CPNE8: variants seen among roughly 807,000 people sequenced by gnomAD.
CPNE8 encodes the protein copine 8, also known as copine-8.
In CPNE8, 45 loss-of-function variants were observed where a neutral mutation model predicts 81.5. The ratio of observed to expected loss-of-function variants is 0.55; its 90% confidence interval spans 0.44 to 0.71. The LOEUF (loss-of-function observed/expected upper bound fraction) is 0.71, where lower values mean the gene tolerates loss of function less well. Ranked by LOEUF, CPNE8 falls within the 30% of genes least tolerant of loss-of-function variation. The pLI is 0.00. For missense variants in CPNE8, 594 were observed against 672.1 expected, an observed-to-expected ratio of 0.88 and a Z score of 1.28; for synonymous variants, 252 against 226.3, an observed-to-expected ratio of 1.11 and a Z score of -1.02.
At chr12:38,747,309 G>A (rs1470097234) in intron 10 of CPNE8, among the ~76,000 whole-genome samples, 2 of 152,100 alleles carry the variant, frequency 1.3e-5, no homozygotes, top group African/African-American at 4.8e-5. Flanking sequence ...TTACTCATCT[G>A]TGTCTCAATC....
At chr12:38,728,706 A>G (rs1940762695) in intron 11 of CPNE8, among the ~76,000 whole-genome samples, 1 of 152,160 alleles carries the variant, frequency 6.6e-6, no homozygotes, top group Admixed American at 6.6e-5. Flanking sequence ...TAATTATATG[A>G]AGAACTAATG....
chr12:38,863,606 T>C (rs1215422286), intron 3 of CPNE8, among the ~76,000 whole-genome samples: 1 of 152,134 alleles, frequency 6.6e-6, no homozygotes, highest in Non-Finnish European at 1.5e-5. Flanking sequence ...TAAAAGACAA[T>C]ACATTATTAT....
At chr12:38,814,983 T>C (rs1462176095) in intron 6 of CPNE8, among the ~76,000 whole-genome samples, 1 of 152,214 alleles carries the variant, frequency 6.6e-6, no homozygotes, top group East Asian at 1.9e-4. Flanking sequence ...TTACGTATGA[T>C]ACTTTCTGCT....
chr12:38,772,586 CCTA>C (rs995046822), intron 7 of CPNE8, among the ~76,000 whole-genome samples: 6 of 151,984 alleles, frequency 3.9e-5, no homozygotes, highest in African/African-American at 1.2e-4. Context: ...TGTTAGAATG[CCTA>C]CTATCAAAAA....
At chr12:38,896,227 G>C (rs761936975) in intron 1 of CPNE8, among the ~76,000 whole-genome samples, 2 of 152,070 alleles carry the variant, frequency 1.3e-5, no homozygotes, top group African/African-American at 2.4e-5. Flanking sequence ...CAGAGTTTCA[G>C]AAAATCAGCT....
chr12:38,654,868 T>C (rs914428051), intron 19 of CPNE8, among the ~76,000 whole-genome samples: 1 of 152,162 alleles, frequency 6.6e-6, no homozygotes, highest in Non-Finnish European at 1.5e-5. Context: ...TAGTGTACAT[T>C]GTTAAAAAGT....
chr12:38,727,066 G>A (rs826872), intron 11 of CPNE8, among the ~76,000 whole-genome samples: 15,591 of 152,060 alleles, frequency 0.1, 998 homozygotes, highest in East Asian at 0.24. Context: ...ATAGAGTAAG[G>A]CCCTCTGCAA....
At chr12:38,905,976 C>T (rs1304675391), upstream of CPNE8, 1 of 985,310 alleles carries the variant, frequency 1.0e-6, no homozygotes, top group Non-Finnish European at 1.2e-6. Flanking sequence ...CACCTCTGCA[C>T]ACCCACACTC....
intron 3 of CPNE8, among the ~76,000 whole-genome samples, chr12:38,863,568 A>T (rs1317092301): frequency 2.4e-4 from 37 of 152,332 alleles, no homozygotes; most frequent in African/African-American, 8.9e-4. Context: ...TCTAACAAAT[A>T]GTAGCAAAGC....
At chr12:38,732,817 A>G (rs977464383) in intron 10 of CPNE8, among the ~76,000 whole-genome samples, 16 of 152,112 alleles carry the variant, frequency 1.1e-4, no homozygotes, top group Admixed American at 8.5e-4. Flanking sequence ...TAGAACATAC[A>G]TAAATGAAAC....
At chr12:38,793,495 T>G (rs1004052229) in intron 6 of CPNE8, among the ~76,000 whole-genome samples, 1 of 151,636 alleles carries the variant, frequency 6.6e-6, no homozygotes, top group African/African-American at 2.4e-5. Flanking sequence ...AACAAAATAC[T>G]TAGAAATAAA....
intron 4 of CPNE8, among the ~76,000 whole-genome samples, chr12:38,841,594 C>T (rs1384528380): frequency 4.6e-5 from 7 of 152,062 alleles, no homozygotes; most frequent in Admixed American, 4.6e-4. Flanking sequence ...AGCAAACAAA[C>T]AGGAGGTTCA....
In CPNE8 at chr12:38,750,097, TAA is replaced by T. The variant is rs144521163; in HGVS notation, c.722+10748_722+10749del. ...GCATCCCAGCCACTTCAGCTTGGAC[TAA>T]AAGAGGCCAAGTGCAACCTGACCTA... On this transcript the variant is annotated intron_variant, in intron 10 of 19. Coordinates refer to ENST00000331366, the MANE Select transcript of CPNE8 (RefSeq NM_153634.3). Among the ~76,000 whole-genome samples the T allele has an allele frequency of 1.5e-3, 226 of 152,226 alleles. 7 individuals are homozygous for T. The East Asian group carries it at 0.039, about 26-fold the overall frequency.
chr12:38,698,059 C>T (rs1048372054), intron 14 of CPNE8, among the ~76,000 whole-genome samples: 1 of 152,174 alleles, frequency 6.6e-6, no homozygotes, highest in Non-Finnish European at 1.5e-5. Context: ...TTCTTCATAT[C>T]GTCACCAGCA....
intron 10 of CPNE8, among the ~76,000 whole-genome samples, chr12:38,751,718 T>G (rs1941356589): frequency 1.3e-5 from 2 of 152,306 alleles, no homozygotes; most frequent in Non-Finnish European, 2.9e-5. Flanking sequence ...ATATTTATTT[T>G]GGAAAGTTGG....
chr12:38,780,760 A>G (rs1942034072), intron 6 of CPNE8, among the ~76,000 whole-genome samples: 1 of 152,148 alleles, frequency 6.6e-6, no homozygotes, highest in Admixed American at 6.5e-5. Flanking sequence ...GTAAAGATCT[A>G]TTCTAAAAAC....
Position 38,797,229 on chromosome 12 carries a change from C to T in CPNE8, c.408-20928G>A, listed in dbSNP as rs559125882. 1.6e-4 allele frequency among the ~76,000 whole-genome samples: 25 copies of T among 152,268 alleles called. No homozygotes were observed. The South Asian group carries it at 2.5e-3, about 15-fold the overall frequency. On this transcript the variant is annotated intron_variant, in intron 6 of 19. Transcript: ENST00000331366. ...CAGCACTCAGCTGGAGATCTGAGAA[C>T]GGGCAGACTGCCTCCTCAACTGCGT...
Position 38,817,614 on chromosome 12 carries a change from C to CTTTTTT in CPNE8, c.407+11759_407+11764dup, listed in dbSNP as rs869168296. ...GTTTAAAGTTACACATTAATTTATT[C>CTTTTTT]TTTTTTTTTTTTTTTTTTTTTTTGT... On this transcript the variant is annotated intron_variant, in intron 6 of 19. Transcript: ENST00000331366. 8.1e-3 allele frequency among the ~76,000 whole-genome samples: 731 copies of CTTTTTT among 90,572 alleles called. 5 individuals carry two copies. The highest frequency in any genetic ancestry group is 0.011 in the Non-Finnish European group (546 of 50,790). 59.4% of individuals were successfully genotyped at this position (90,572 alleles called of 152,430 possible).
intron 6 of CPNE8, among the ~76,000 whole-genome samples, chr12:38,815,876 G>A (rs2136996601): frequency 6.6e-6 from 1 of 152,190 alleles, no homozygotes; most frequent in South Asian, 2.1e-4. Context: ...CAAAAACAAA[G>A]TAAACTGCTC....
Sources: allele counts gnomAD v4.1 joint callset (sites outside exome capture counted in the v4.1 genomes callset), GRCh38; gene constraint gnomAD v4.1.1; transcripts MANE v1.5; gene names NCBI Gene and HGNC (gene_info 2026-07-23, HGNC 2026-07-21).